Variants in DOK6 observed in about 807,000 individuals in gnomAD.
The protein encoded by DOK6 is downstream of tyrosine kinase 6.
Under a neutral mutation model 44.0 loss-of-function variants are expected in DOK6, and 22 were observed. The ratio of observed to expected loss-of-function variants is 0.50; its 90% CI spans 0.36 to 0.71. The LOEUF is 0.71. DOK6 is among the 30% of genes least tolerant of loss of function. DOK6 has a pLI of 0.00. For missense variants in DOK6, 340 were observed against 416.4 expected (o/e 0.82, Z 1.60); for synonymous variants, 166 against 145.5 (o/e 1.14, Z -1.01).
intron 7 of DOK6, among the ~76,000 whole-genome samples, chr18:69,795,401 A>C (rs1980715657): frequency 6.6e-6 from 1 of 152,176 alleles, no homozygotes; most frequent in Non-Finnish European, 1.5e-5. Context: ...TAAAAACGTG[A>C]TGAAGGATAT....
Position 69,809,067 on chromosome 18 carries a change from G to T in DOK6, c.857-32177G>T, listed in dbSNP as rs564373732. Among the ~76,000 whole-genome samples, 14 of 151,790 alleles carry T rather than the reference G, an allele frequency of 9.2e-5. No individual in the cohort carries two copies. The South Asian group carries it at 2.7e-3, about 29-fold the overall frequency. On this transcript the variant is annotated intron_variant, in intron 7 of 7. Coordinates refer to ENST00000382713, the MANE Select transcript of DOK6 (RefSeq NM_152721.6). Reference sequence around the variant, plus strand: ...AAAACTAGCAAACAGAATTCAACAGGACACTAAAAGGATCATTCACCATGA... The same window carrying T: ...AAAACTAGCAAACAGAATTCAACAGTACACTAAAAGGATCATTCACCATGA...
At chr18:69,691,227 A>ATAAATAAG (rs1555724028) in intron 4 of DOK6, among the ~76,000 whole-genome samples, 8 of 151,440 alleles carry the variant, frequency 5.3e-5, no homozygotes, top group African/African-American at 1.9e-4. Context: ...AAATAAATAA[A>ATAAATAAG]TAAAAATATA....
At chr18:69,764,305 C>T (rs548831919) in intron 7 of DOK6, among the ~76,000 whole-genome samples, 1 of 152,206 alleles carries the variant, frequency 6.6e-6, no homozygotes, top group African/African-American at 2.4e-5. Flanking sequence ...TGGGACTGCA[C>T]GTGATGACTA....
intron 2 of DOK6, among the ~76,000 whole-genome samples, chr18:69,582,922 A>G (rs1983404079): frequency 6.6e-6 from 1 of 152,112 alleles, no homozygotes; most frequent in Non-Finnish European, 1.5e-5. Flanking sequence ...TTGATATTCC[A>G]TGGTTTACCT....
chr18:69,824,384 C>T (rs527527303), intron 7 of DOK6, among the ~76,000 whole-genome samples: 1 of 152,040 alleles, frequency 6.6e-6, no homozygotes, highest in South Asian at 2.1e-4. Flanking sequence ...CACTCTGTTG[C>T]CCAGGCTGGA....
chr18:69,583,893 A>G (rs988154314), intron 2 of DOK6, among the ~76,000 whole-genome samples: 4 of 152,236 alleles, frequency 2.6e-5, no homozygotes, highest in East Asian at 1.9e-4. Context: ...AGGATCATGA[A>G]GTCAGGAGAT....
At chr18:69,423,818 G>A (rs1054084015) in intron 1 of DOK6, among the ~76,000 whole-genome samples, 1 of 152,088 alleles carries the variant, frequency 6.6e-6, no homozygotes, top group Non-Finnish European at 1.5e-5. Context: ...CTGTGTTTCA[G>A]ATTTTAAAAA....
At chr18:69,792,381 A>T (rs188653338) in intron 7 of DOK6, among the ~76,000 whole-genome samples, 1 of 152,168 alleles carries the variant, frequency 6.6e-6, no homozygotes, top group East Asian at 1.9e-4. Context: ...ATGAACATGG[A>T]ATATCTTTCC....
At chr18:69,663,859 G>C (rs1406823131) in intron 3 of DOK6, among the ~76,000 whole-genome samples, 1 of 152,176 alleles carries the variant, frequency 6.6e-6, no homozygotes, top group Non-Finnish European at 1.5e-5. Context: ...TTGTTCTCAA[G>C]TGGTAGCTTT....
chr18:69,635,598 C>T (rs530154529), intron 3 of DOK6, among the ~76,000 whole-genome samples: 3 of 152,178 alleles, frequency 2.0e-5, no homozygotes, highest in Non-Finnish European at 2.9e-5. Context: ...GTGACAGCAA[C>T]GAGGATCTGA....
intron 2 of DOK6, among the ~76,000 whole-genome samples, chr18:69,573,580 C>A (rs1983168363): frequency 6.6e-6 from 1 of 151,630 alleles, no homozygotes; most frequent in Admixed American, 6.6e-5. Flanking sequence ...AAAGTTCAAC[C>A]AATCCTGATA....
intron 5 of DOK6, among the ~76,000 whole-genome samples, chr18:69,719,247 T>C (rs898257191): frequency 6.6e-6 from 1 of 152,072 alleles, no homozygotes; most frequent in Non-Finnish European, 1.5e-5. Context: ...GTGCTGCTGA[T>C]TGGTTGGGGA....
At chr18:69,522,660 C>A (rs1234779559) in intron 1 of DOK6, among the ~76,000 whole-genome samples, 1 of 152,018 alleles carries the variant, frequency 6.6e-6, no homozygotes, top group Admixed American at 6.6e-5. Context: ...TTTAAACCAT[C>A]CTTCTACATT....
chr18:69,829,870 TAAGA>T (rs1314992253), intron 7 of DOK6, among the ~76,000 whole-genome samples: 5 of 152,052 alleles, frequency 3.3e-5, no homozygotes, highest in African/African-American at 1.2e-4. Flanking sequence ...TATCTAATGT[TAAGA>T]AAGAAAGTAC....
intron 1 of DOK6, among the ~76,000 whole-genome samples, chr18:69,445,314 A>G (rs1831745342): frequency 2.0e-5 from 3 of 152,238 alleles, no homozygotes; most frequent in Admixed American, 2.0e-4. Context: ...AACCAGTACT[A>G]CTAGTACAAC....
intron 5 of DOK6, among the ~76,000 whole-genome samples, chr18:69,717,570 G>A (rs1403125706): frequency 6.6e-6 from 1 of 152,186 alleles, no homozygotes; most frequent in East Asian, 1.9e-4. Flanking sequence ...GCTCCAGGGG[G>A]CCACAAAGAG....
intron 7 of DOK6, among the ~76,000 whole-genome samples, chr18:69,772,629 C>G (rs1979922152): frequency 6.6e-6 from 1 of 152,000 alleles, no homozygotes; most frequent in Admixed American, 6.6e-5. Context: ...TAGTCTCTTG[C>G]TGGGAAAACT....
At chr18:69,558,703 A>T (rs1568296180) in intron 1 of DOK6, among the ~76,000 whole-genome samples, 1 of 152,136 alleles carries the variant, frequency 6.6e-6, no homozygotes, top group Non-Finnish European at 1.5e-5. Flanking sequence ...TGTTTAGGTC[A>T]CGAAAAACAA....
chr18:69,658,790 A>G (rs1985435126), intron 3 of DOK6, among the ~76,000 whole-genome samples: 2 of 152,280 alleles, frequency 1.3e-5, no homozygotes, highest in South Asian at 2.1e-4. Context: ...TTTTTTCAAC[A>G]AGGAAAAAGA....
Sources: allele counts gnomAD v4.1 joint callset (sites outside exome capture counted in the v4.1 genomes callset), GRCh38; gene constraint gnomAD v4.1.1; transcripts MANE v1.5; gene names NCBI Gene and HGNC (gene_info 2026-07-23, HGNC 2026-07-21).